The following AGBL1 variants were observed in gnomAD, a reference collection of about 807,000 sequenced individuals.
The protein encoded by AGBL1 is AGBL carboxypeptidase 1, also known as cytosolic carboxypeptidase 4.
Under a neutral mutation model 118.9 loss-of-function variants are expected in AGBL1, and 130 were observed. That is an observed-to-expected ratio of 1.09 (90% CI 0.95 to 1.26). The LOEUF (loss-of-function observed/expected upper bound fraction) is 1.26. Among genes scored for constraint, AGBL1 ranks in the 50% most tolerant of loss-of-function variants. The pLI is 0.00. For missense variants in AGBL1, 1,584 were observed against 1,298.1 expected (o/e 1.22, Z -3.38); for synonymous variants, 555 against 478.9 (o/e 1.16, Z -2.08).
In AGBL1 at chr15:86,907,828, CTG is replaced by C. The variant is rs1348740706; in HGVS notation, c.*537_*538del. 3 of 152,164 alleles carry C rather than the reference CTG, an allele frequency of 2.0e-5. No individual in the cohort carries two copies. Among genetic ancestry groups the C allele is most frequent in the Non-Finnish European group, 2.9e-5 (2 of 68,044 alleles). The allele number at this position is 152,164 out of a possible 1,614,324, so 9.4% of individuals were successfully genotyped here. A position where few individuals can be genotyped will look rare whatever the true frequency, so the allele number is the denominator to read the frequency against. On this transcript the variant is annotated 3_prime_UTR_variant, in exon 23 of 23. Coordinates refer to ENST00000614907, the MANE Select transcript of AGBL1 (RefSeq NM_001386094.1). ...GGTGCTGGGGCTTGAACATGAAAAA[CTG>C]TGCATCCAAGTAATTGCAGGTTTCA...
intron 21 of AGBL1, among the ~76,000 whole-genome samples, chr15:86,625,640 T>C (rs1019633917): frequency 1.3e-5 from 2 of 152,034 alleles, no homozygotes; most frequent in Non-Finnish European, 2.9e-5. Flanking sequence ...ATCTTTGGGA[T>C]AGAAGCTAAG....
At chr15:86,122,655 G>A (rs748167715) in intron 1 of AGBL1, among the ~76,000 whole-genome samples, 3 of 152,068 alleles carry the variant, frequency 2.0e-5, no homozygotes, top group Non-Finnish European at 2.9e-5. Flanking sequence ...TACAGGTTAC[G>A]TTTTCACTAC....
intron 18 of AGBL1, among the ~76,000 whole-genome samples, chr15:86,505,804 T>C (rs1273726096): frequency 6.6e-6 from 1 of 152,000 alleles, no homozygotes; most frequent in Non-Finnish European, 1.5e-5. Flanking sequence ...TTAGCTGTTA[T>C]ATTTTCTGTG....
chr15:86,599,409 CT>C (rs1389767808), intron 21 of AGBL1, among the ~76,000 whole-genome samples: 2 of 151,874 alleles, frequency 1.3e-5, no homozygotes, highest in African/African-American at 4.8e-5. Context: ...GTCAAATTGT[CT>C]CTATATTTAT....
chr15:87,004,634 CTT>C (rs2081478776), intron 24 of AGBL1, among the ~76,000 whole-genome samples: 1 of 152,130 alleles, frequency 6.6e-6, no homozygotes, highest in African/African-American at 2.4e-5. Flanking sequence ...GGTCTTGACT[CTT>C]TATCCAATTT....
chr15:86,923,799 A>G (rs1379379574), intron 23 of AGBL1, among the ~76,000 whole-genome samples: 1 of 152,192 alleles, frequency 6.6e-6, no homozygotes, highest in Non-Finnish European at 1.5e-5. Flanking sequence ...TTTCCTCATT[A>G]TATGAACTAC....
At chr15:86,197,683 G>A (rs2077836563) in intron 5 of AGBL1, among the ~76,000 whole-genome samples, 1 of 152,176 alleles carries the variant, frequency 6.6e-6, no homozygotes, top group Admixed American at 6.5e-5. Flanking sequence ...GCCTATCCAT[G>A]TTGCAAAAAG....
At chr15:86,538,388 CACTT>C (rs1396648903) in intron 19 of AGBL1, among the ~76,000 whole-genome samples, 3 of 152,220 alleles carry the variant, frequency 2.0e-5, no homozygotes, top group African/African-American at 7.2e-5. Context: ...TCAGATGAAG[CACTT>C]ACTAAGGAGA....
At chr15:86,317,082 A>G (rs567118401) in intron 17 of AGBL1, 1 of 152,392 alleles carries the variant, frequency 6.6e-6, no homozygotes, top group South Asian at 2.1e-4. Flanking sequence ...TAAACATGCA[A>G]TTTGGTATTT....
At position 86,271,043 on chromosome 15, in the gene AGBL1, ATTTT is replaced by A. The variant is rs58166692; in HGVS notation, c.1988-557_1988-554del. ...TCTCTCTCTGCTTCAGTCACGTTGC[ATTTT>A]TTTTTTTTTTTTTTTTTTGGCGAGA... On this transcript the variant is annotated intron_variant, in intron 14 of 22. Coordinates refer to ENST00000614907, the MANE Select transcript of AGBL1 (RefSeq NM_001386094.1). Among the ~76,000 whole-genome samples the A allele has an allele frequency of 8.9e-4, 79 of 89,060 alleles. 1 individual carries two copies. In the East Asian group the frequency reaches 0.02, roughly 22 times the overall value. The allele number at this position is 89,060 out of a possible 152,430, so 58.4% of individuals were successfully genotyped here.
intron 18 of AGBL1, among the ~76,000 whole-genome samples, chr15:86,428,640 C>T (rs1166325994): frequency 2.0e-5 from 3 of 152,204 alleles, no homozygotes; most frequent in Admixed American, 1.3e-4. Flanking sequence ...ATAGGGAAGA[C>T]TGTGACTAGA....
chr15:86,084,965 T>G (rs927663963), intron 1 of AGBL1, among the ~76,000 whole-genome samples: 5 of 152,214 alleles, frequency 3.3e-5, no homozygotes, highest in Non-Finnish European at 5.9e-5. Flanking sequence ...ACTTATTGAT[T>G]TTTTATAAGT....
At chr15:86,511,198 A>G (rs1374032224) in intron 18 of AGBL1, among the ~76,000 whole-genome samples, 1 of 152,108 alleles carries the variant, frequency 6.6e-6, no homozygotes, top group Non-Finnish European at 1.5e-5. Context: ...AATTTTACAT[A>G]GAAGAAAACC....
intron 1 of AGBL1, among the ~76,000 whole-genome samples, chr15:86,135,383 A>G (rs1379924159): frequency 6.6e-6 from 1 of 152,174 alleles, no homozygotes; most frequent in East Asian, 1.9e-4. Flanking sequence ...ACCCAATCTC[A>G]AGCTTTAAAA....
At chr15:86,806,898 C>A (rs1461032063) in intron 22 of AGBL1, among the ~76,000 whole-genome samples, 1 of 151,806 alleles carries the variant, frequency 6.6e-6, no homozygotes, top group Non-Finnish European at 1.5e-5. Flanking sequence ...ACGTGATATA[C>A]CACGTATCAT....
intron 24 of AGBL1, among the ~76,000 whole-genome samples, chr15:87,024,256 A>G (rs1189695467): frequency 6.6e-6 from 1 of 152,086 alleles, no homozygotes; most frequent in African/African-American, 2.4e-5. Context: ...CCAAGAAGAG[A>G]GAAAATCCAA....
At chr15:86,931,163 C>G (rs2080598782) in intron 23 of AGBL1, among the ~76,000 whole-genome samples, 1 of 152,230 alleles carries the variant, frequency 6.6e-6, no homozygotes, top group East Asian at 1.9e-4. Context: ...TTTCCTTAAC[C>G]AATTGCAAAT....
intron 23 of AGBL1, among the ~76,000 whole-genome samples, chr15:86,930,380 G>A (rs1596645496): frequency 6.6e-6 from 1 of 152,130 alleles, no homozygotes; most frequent in Non-Finnish European, 1.5e-5. Context: ...TCAGCGTGAG[G>A]CAGGGAGGGA....
chr15:86,833,377 G>T lies in AGBL1; in HGVS notation c.3159-73710G>T, dbSNP rs1003871034. On this transcript the variant is annotated intron_variant, in intron 22 of 22. Coordinates refer to ENST00000614907, the MANE Select transcript of AGBL1 (RefSeq NM_001386094.1). ...GGGAGGGACCTAGCGGGAGGTAATT[G>T]AATCATGGGGGCTGGTTTTTCCCAT... is the stretch of plus-strand genomic sequence containing the variant. Among the ~76,000 whole-genome samples the T allele has an allele frequency of 7.9e-5, 12 of 152,186 alleles. 1 individual carries two copies. The highest frequency in any genetic ancestry group is 5.2e-4 in the Admixed American group (8 of 15,300).
Sources: allele counts gnomAD v4.1 joint callset (sites outside exome capture counted in the v4.1 genomes callset), GRCh38; gene constraint gnomAD v4.1.1; transcripts MANE v1.5; gene names NCBI Gene and HGNC (gene_info 2026-07-23, HGNC 2026-07-21).